Variants in EIF2S1 observed in about 807,000 individuals in gnomAD.
EIF2S1 encodes the protein eukaryotic translation initiation factor 2 subunit 1.
Under a neutral mutation model 33.5 loss-of-function variants are expected in EIF2S1, and 5 were observed. The observed-to-expected ratio is 0.15, with a 90% confidence interval of 0.08 to 0.31. EIF2S1 has a LOEUF of 0.31. EIF2S1 is among the 10% of genes least tolerant of loss of function. The probability of loss-of-function intolerance (pLI) is 1.00; values close to 1 mark genes in which losing one functional copy is unlikely to be tolerated. For synonymous variants in EIF2S1, 99 were observed against 127.5 expected (o/e 0.78, Z 1.51); for missense variants, 191 against 384.6 (o/e 0.50, Z 4.21).
intron 1 of EIF2S1, 168 bp from the exon 2 acceptor site, chr14:67,364,599 A>G: frequency 3.2e-6 from 2 of 628,114 alleles, no homozygotes; most frequent in Non-Finnish European, 5.2e-6. Context: ...GTTCCTGAAC[A>G]TTATCTGTTT....
Position 67,385,983 on chromosome 14 carries a change from G to A in EIF2S1, c.*2543G>A, listed in dbSNP as rs1283236215. ...TTAAAAATACAAATGCCAGTACCTT[G>A]CCGAGACTTGTTCACTGATTTGCCC... On this transcript the variant is annotated 3_prime_UTR_variant, in exon 8 of 8. Transcript: ENST00000256383. The A allele has an allele frequency of 6.6e-6, 1 of 152,054 alleles. No individual in the cohort carries two copies. The highest frequency in any genetic ancestry group is 2.4e-5 in the African/African-American group (1 of 41,402). The allele number at this position is 152,054 out of a possible 1,614,324, so 9.4% of individuals were successfully genotyped here.
intron 2 of EIF2S1, among the ~76,000 whole-genome samples, chr14:67,371,233 G>T (rs772264304): frequency 2.0e-5 from 3 of 152,002 alleles, no homozygotes; most frequent in Non-Finnish European, 4.4e-5. Context: ...TGGCAATATA[G>T]GGAGACCCCA....
chr14:67,379,654 C>CTTTTTTTTTTTTT (rs541791101), intron 4 of EIF2S1, among the ~76,000 whole-genome samples: 68 of 119,948 alleles, frequency 5.7e-4, no homozygotes, highest in African/African-American at 6.5e-4. Flanking sequence ...TTTTCTTTTT[C>CTTTTTTTTTTTTT]TTTTTTTTTT....
intron 3 of EIF2S1, among the ~76,000 whole-genome samples, chr14:67,374,862 C>G (rs960637715): frequency 4.6e-5 from 7 of 152,128 alleles, no homozygotes; most frequent in East Asian, 1.9e-4. Flanking sequence ...CCTCAGCCCT[C>G]CAAAGTGCTG....
At chr14:67,374,577 ACTAT>A (rs756369227) in intron 3 of EIF2S1, 30 bp downstream of exon 3, 4 of 1,411,992 alleles carry the variant, frequency 2.8e-6, no homozygotes, top group East Asian at 2.3e-5. Context: ...AAATTAGTCC[ACTAT>A]CTGTGTGTTT....
chr14:67,376,054 AT>A (rs2085856188), intron 3 of EIF2S1, among the ~76,000 whole-genome samples: 2 of 152,076 alleles, frequency 1.3e-5, no homozygotes, highest in South Asian at 2.1e-4. Context: ...CAGAAAAAAA[AT>A]TTTTTTTATC....
rs967171786 is a variant in EIF2S1 at position 67,385,998 on chromosome 14, C to T, written c.*2558C>T. 1 of 152,156 alleles carries T rather than the reference C, an allele frequency of 6.6e-6. No individual in the cohort carries two copies. The highest frequency in any genetic ancestry group is 2.4e-5 in the African/African-American group (1 of 41,434). 9.4% of individuals were successfully genotyped at this position (152,156 alleles called of 1,614,324 possible). A position where few individuals can be genotyped will look rare whatever the true frequency, so the allele number is the denominator to read the frequency against. On this transcript the variant is annotated 3_prime_UTR_variant, in exon 8 of 8. Coordinates refer to ENST00000256383, the MANE Select transcript of EIF2S1 (RefSeq NM_004094.5). ...CCAGTACCTTGCCGAGACTTGTTCA[C>T]TGATTTGCCCCAACCCCAAGGTAAT...
intron 4 of EIF2S1, among the ~76,000 whole-genome samples, chr14:67,378,990 G>A (rs973769031): frequency 7.9e-5 from 12 of 151,856 alleles, no homozygotes; most frequent in Non-Finnish European, 1.6e-4. Context: ...TTTGTAGCTT[G>A]CATTTTTACA....
intron 2 of EIF2S1, among the ~76,000 whole-genome samples, chr14:67,373,431 G>C (rs1315556359): frequency 6.6e-6 from 1 of 152,142 alleles, no homozygotes; most frequent in Admixed American, 6.5e-5. Context: ...GATGTGAAAG[G>C]GCATTTGACA....
chr14:67,382,895 A>ACGTGCGTG (rs547987921), intron 7 of EIF2S1, among the ~76,000 whole-genome samples: 1 of 146,800 alleles, frequency 6.8e-6, no homozygotes, highest in African/African-American at 2.6e-5. Context: ...AAGTGTGTGT[A>ACGTGCGTG]CGTGCGTGCG....
chr14:67,375,960 A>G (rs1244045358), intron 3 of EIF2S1, among the ~76,000 whole-genome samples: 1 of 152,150 alleles, frequency 6.6e-6, no homozygotes, highest in Non-Finnish European at 1.5e-5. Context: ...TTTATGTGTA[A>G]CTATGATGAA....
At chr14:67,376,908 G>A (rs1212422987) in intron 4 of EIF2S1, among the ~76,000 whole-genome samples, 4 of 152,052 alleles carry the variant, frequency 2.6e-5, no homozygotes, top group African/African-American at 9.7e-5. Flanking sequence ...ACTCTCCTTT[G>A]ACTTTCAGCC....
intron 3 of EIF2S1, among the ~76,000 whole-genome samples, chr14:67,375,472 C>T (rs2085852583): frequency 6.6e-6 from 1 of 151,322 alleles, no homozygotes; most frequent in Non-Finnish European, 1.5e-5. Context: ...TTTCTTTGCC[C>T]TTCTCTGGTG....
chr14:67,361,170 A>G (rs1306016504), intron 1 of EIF2S1, among the ~76,000 whole-genome samples: 2 of 152,262 alleles, frequency 1.3e-5, no homozygotes, highest in Non-Finnish European at 2.9e-5. Flanking sequence ...ATACACAGTC[A>G]TGCTGAGGTC....
chr14:67,378,630 T>G (rs2085870312), intron 4 of EIF2S1, among the ~76,000 whole-genome samples: 1 of 152,232 alleles, frequency 6.6e-6, no homozygotes, highest in African/African-American at 2.4e-5. Flanking sequence ...TTGTCTCAAC[T>G]GTCATCATCT....
chr14:67,374,742 G>C, intron 3 of EIF2S1, 195 bp downstream of exon 3: 1 of 401,382 alleles, frequency 2.5e-6, no homozygotes, highest in African/African-American at 2.0e-5. Flanking sequence ...CTTGTTTACA[G>C]TTGGAATGCC....
At position 67,384,615 on chromosome 14, in the gene EIF2S1, A is replaced by G. The variant is rs1375352067; in HGVS notation, c.*1175A>G. 1.3e-5 allele frequency: 2 copies of G among 152,328 alleles called. No individual in the cohort carries two copies. Among genetic ancestry groups the G allele is most frequent in the East Asian group, 1.9e-4 (1 of 5,192 alleles). The allele number at this position is 152,328 out of a possible 1,614,324, so 9.4% of individuals were successfully genotyped here. A position where few individuals can be genotyped will look rare whatever the true frequency, so the allele number is the denominator to read the frequency against. On this transcript the variant is annotated 3_prime_UTR_variant, in exon 8 of 8. Coordinates refer to ENST00000256383, the MANE Select transcript of EIF2S1 (RefSeq NM_004094.5). The stretch of plus-strand genomic sequence containing the variant: ...ATACTTAGATTAGACCTAACCCACC[A>G]TAGTCAATCCAAGACTAGACTACTC...
intron 2 of EIF2S1, among the ~76,000 whole-genome samples, chr14:67,374,253 T>C (rs2085844659): frequency 6.6e-6 from 1 of 152,202 alleles, no homozygotes; most frequent in African/African-American, 2.4e-5. Context: ...ATTGCAAATA[T>C]TCCAAAATCT....
chr14:67,381,725 G>C (rs1466904706), intron 6 of EIF2S1, 35 bp downstream of exon 6: 3 of 1,452,430 alleles, frequency 2.1e-6, no homozygotes, highest in Non-Finnish European at 2.9e-6. Flanking sequence ...CTGCTGAAAT[G>C]CTCACCTAAA....
Sources: gnomAD v4.1 joint callset for allele counts (sites outside exome capture counted in the v4.1 genomes callset) on GRCh38, gnomAD v4.1.1 for gene constraint, MANE v1.5 for transcripts, NCBI Gene and HGNC (gene_info 2026-07-23, HGNC 2026-07-21) for gene names.